Variants in VPS53 observed in about 807,000 individuals in gnomAD.
VPS53 encodes VPS53 subunit of GARP complex, also known as vacuolar protein sorting-associated protein 53 homolog.
VPS53 carries 70 observed loss-of-function variants against 107.0 expected under a neutral mutation model. That is an observed-to-expected ratio of 0.65 (90% CI 0.54 to 0.80). VPS53 has a LOEUF of 0.80. VPS53 is among the 30% of genes least tolerant of loss of function. The pLI, the probability that VPS53 is intolerant of heterozygous loss-of-function variation, is 0.00. For missense variants in VPS53, 917 were observed against 1,049.4 expected, an observed-to-expected ratio of 0.87 and a Z score of 1.74; for synonymous variants, 409 against 393.3, an observed-to-expected ratio of 1.04 and a Z score of -0.47.
chr17:697,490 A>G lies in VPS53; in HGVS notation c.219-6T>C, dbSNP rs766533019. 3.7e-6 allele frequency: 6 copies of G among 1,610,288 alleles called. No homozygotes were observed. Among genetic ancestry groups the G allele is most frequent in the Non-Finnish European group, 5.1e-6 (6 of 1,176,628 alleles). On this transcript the variant is annotated splice_polypyrimidine_tract_variant and splice_region_variant and intron_variant, in intron 3 of 21. Transcript: ENST00000437048. ...GAATATTGTCATCCAGTCTCCTAGC[A>G]AAACAGTTCAAGGATACAGTCATTC...
rs1908053411 is a variant in VPS53 at position 513,133 on chromosome 17, C to T, written c.*5995G>A. 1 of 152,272 alleles carries T rather than the reference C, an allele frequency of 6.6e-6. No homozygotes were observed. The highest frequency in any genetic ancestry group is 1.5e-5 in the Non-Finnish European group (1 of 68,102). 9.4% of individuals were successfully genotyped at this position (152,272 alleles called of 1,614,324 possible). A position where few individuals can be genotyped will look rare whatever the true frequency, so the allele number is the denominator to read the frequency against. ...GTCAGGGAAGGGAGAAGGGCAGCCA[C>T]CAGGAGCGGCCAGGGTCACGGACTT... is the stretch of plus-strand genomic sequence containing the variant. On this transcript the variant is annotated 3_prime_UTR_variant, in exon 22 of 22. Coordinates refer to ENST00000437048, the MANE Select transcript of VPS53 (RefSeq NM_001128159.3).
At chr17:683,780 C>G (rs892631792) in intron 4 of VPS53, among the ~76,000 whole-genome samples, 4 of 152,252 alleles carry the variant, frequency 2.6e-5, no homozygotes, top group Non-Finnish European at 5.9e-5. Context: ...AGGAAGATCA[C>G]TTGAGCCAAG....
intron 13 of VPS53, among the ~76,000 whole-genome samples, chr17:574,791 G>C (rs1914462402): frequency 2.0e-5 from 3 of 152,084 alleles, no homozygotes; most frequent in African/African-American, 4.8e-5. Context: ...ATAAACCCTG[G>C]ACCCAGTAAC....
At chr17:669,592 TAAA>T (rs200157618) in intron 4 of VPS53, among the ~76,000 whole-genome samples, 1 of 110,228 alleles carries the variant, frequency 9.1e-6, no homozygotes, top group Non-Finnish European at 1.9e-5. Context: ...TACTCTGTCT[TAAA>T]AAAAAAAAAA....
At chr17:677,910 G>A (rs1251038104) in intron 4 of VPS53, among the ~76,000 whole-genome samples, 1 of 152,074 alleles carries the variant, frequency 6.6e-6, no homozygotes, top group Non-Finnish European at 1.5e-5. Flanking sequence ...TTGAACCCAT[G>A]AGTTCAAGAC....
intron 2 of VPS53, among the ~76,000 whole-genome samples, chr17:706,535 CAAAAA>C (rs1282036208): frequency 1.5e-5 from 1 of 66,258 alleles, no homozygotes; most frequent in Non-Finnish European, 3.1e-5. Context: ...GACTCAGTCT[CAAAAA>C]AAAAAAAAAA....
At chr17:635,711 G>T (rs1970169599) in intron 7 of VPS53, among the ~76,000 whole-genome samples, 2 of 152,108 alleles carry the variant, frequency 1.3e-5, no homozygotes, top group African/African-American at 2.4e-5. Flanking sequence ...GGTTGTAGAT[G>T]TGTGGTATTA....
chr17:603,171 T>G (rs963486033), intron 11 of VPS53, among the ~76,000 whole-genome samples: 1 of 152,192 alleles, frequency 6.6e-6, no homozygotes, highest in Non-Finnish European at 1.5e-5. Flanking sequence ...ACACCTGGAA[T>G]CCCAGCACTT....
At chr17:683,157 A>T (rs1185805988) in intron 4 of VPS53, among the ~76,000 whole-genome samples, 2 of 152,218 alleles carry the variant, frequency 1.3e-5, no homozygotes, top group Non-Finnish European at 2.9e-5. Flanking sequence ...CCTGCAGGAC[A>T]GTATTAAATG....
chr17:566,988 G>T (rs1167286440), intron 13 of VPS53, among the ~76,000 whole-genome samples: 1 of 151,796 alleles, frequency 6.6e-6, no homozygotes, highest in Non-Finnish European at 1.5e-5. Flanking sequence ...CCTAGTGATC[G>T]CCCGCCTCAG....
At chr17:703,388 C>A (rs933490694) in intron 2 of VPS53, among the ~76,000 whole-genome samples, 1 of 152,148 alleles carries the variant, frequency 6.6e-6, no homozygotes, top group Non-Finnish European at 1.5e-5. Flanking sequence ...TGATTCTTGA[C>A]CTAATTTTCC....
chr17:589,139 T>A (rs915447268), intron 12 of VPS53, among the ~76,000 whole-genome samples: 6 of 151,942 alleles, frequency 3.9e-5, no homozygotes, highest in Admixed American at 3.3e-4. Flanking sequence ...GCAGGATAAC[T>A]TCTGGTAATT....
At chr17:711,308 A>C (rs1000863915) in intron 1 of VPS53, among the ~76,000 whole-genome samples, 1 of 152,356 alleles carries the variant, frequency 6.6e-6, no homozygotes, top group Non-Finnish European at 1.5e-5. Flanking sequence ...TCCACTGGAC[A>C]CTGGGTCTCA....
intron 4 of VPS53, among the ~76,000 whole-genome samples, chr17:695,703 C>T (rs1198941747): frequency 2.6e-5 from 4 of 152,102 alleles, no homozygotes. Flanking sequence ...GCACAGGCCA[C>T]CACCATGCCC....
chr17:687,929 C>T (rs1972649118), intron 4 of VPS53, among the ~76,000 whole-genome samples: 1 of 152,034 alleles, frequency 6.6e-6, no homozygotes, highest in African/African-American at 2.4e-5. Context: ...TACCAAGATG[C>T]CATCCAATGT....
In VPS53 at chr17:524,485, C is replaced by T. The variant is rs369627137; in HGVS notation, c.2086-2747G>A. Among the ~76,000 whole-genome samples, 7 of 152,174 alleles carry T rather than the reference C, an allele frequency of 4.6e-5. No individual in the cohort carries two copies. Among genetic ancestry groups the T allele is most frequent in the South Asian group, 4.1e-4 (2 of 4,832 alleles). ...GATACGTGCAACGTTGACAAGGGAA[C>T]GGGGTTCCGAACATGAAGATTCCTA... is the stretch of plus-strand genomic sequence containing the variant. On this transcript the variant is annotated intron_variant, in intron 19 of 21. Transcript: ENST00000437048. This position sits in a 1 kb window ranked among gnomAD's most constrained non-coding sequence, Gnocchi z 4.5.
chr17:567,243 G>C (rs1015286351), intron 13 of VPS53, among the ~76,000 whole-genome samples: 3 of 152,184 alleles, frequency 2.0e-5, no homozygotes, highest in African/African-American at 7.2e-5. Flanking sequence ...AAGCTCTAAA[G>C]ATCTATACTT....
chr17:695,237 G>C (rs1972915850), intron 4 of VPS53, among the ~76,000 whole-genome samples: 1 of 152,176 alleles, frequency 6.6e-6, no homozygotes, highest in African/African-American at 2.4e-5. Flanking sequence ...TGTAAAATGA[G>C]GGGAGGGGCC....
Position 564,875 on chromosome 17 carries a change from A to C in VPS53, c.1314-2130T>G, listed in dbSNP as rs116811835. Among the ~76,000 whole-genome samples the C allele has an allele frequency of 1.4e-3, 210 of 152,338 alleles. 3 individuals carry two copies. Among genetic ancestry groups the C allele is most frequent in the Middle Eastern group, 0.01 (3 of 294 alleles). On this transcript the variant is annotated intron_variant, in intron 13 of 21. Coordinates refer to ENST00000437048, the MANE Select transcript of VPS53 (RefSeq NM_001128159.3). ...GTCATCACCTGTGAGGATCCAGCAGAGCTGCAGTAACTGCTGCCTGCACAG... is the reference window on the plus strand; with the variant it reads ...GTCATCACCTGTGAGGATCCAGCAGCGCTGCAGTAACTGCTGCCTGCACAG...
Sources: allele counts gnomAD v4.1 joint callset (sites outside exome capture counted in the v4.1 genomes callset), GRCh38; gene constraint gnomAD v4.1.1; non-coding constraint Gnocchi (gnomAD v3.1); transcripts MANE v1.5; gene names NCBI Gene and HGNC (gene_info 2026-07-23, HGNC 2026-07-21).